The following POLR3B variants were observed in gnomAD, a reference collection of about 807,000 sequenced individuals.
POLR3B encodes RNA polymerase III subunit B, also known as DNA-directed RNA polymerase III subunit RPC2.
In POLR3B, 96 loss-of-function variants were observed where a neutral mutation model predicts 147.4. That is an observed-to-expected ratio of 0.65 (90% confidence interval 0.55 to 0.77). The LOEUF is 0.77. Among genes scored for constraint, POLR3B ranks in the 30% least tolerant of loss-of-function variants. The probability of loss-of-function intolerance (pLI) is 0.00; values close to 1 mark genes in which losing one functional copy is unlikely to be tolerated. For synonymous variants in POLR3B, 461 were observed against 485.9 expected (o/e 0.95, Z 0.67); for missense variants, 1,036 against 1,413.5 (o/e 0.73, Z 4.28).
intron 12 of POLR3B, among the ~76,000 whole-genome samples, chr12:106,414,050 G>T (rs761053484): frequency 2.3e-4 from 34 of 150,440 alleles, no homozygotes; most frequent in Non-Finnish European, 4.3e-4. Flanking sequence ...GATTTACATA[G>T]CTTTTTTTAA....
chr12:106,364,582 C>T (rs1188418083), intron 2 of POLR3B, among the ~76,000 whole-genome samples: 1 of 152,194 alleles, frequency 6.6e-6, no homozygotes, highest in Non-Finnish European at 1.5e-5. Context: ...CCACATCCTC[C>T]AGCAATTCCA....
intron 21 of POLR3B, among the ~76,000 whole-genome samples, chr12:106,458,746 C>T (rs185946475): frequency 1.3e-4 from 20 of 152,212 alleles, no homozygotes; most frequent in Non-Finnish European, 2.8e-4. Context: ...TTGGAAAATA[C>T]GCGCTGTGAC....
intron 18 of POLR3B, among the ~76,000 whole-genome samples, chr12:106,442,662 G>A (rs1049111402): frequency 6.6e-6 from 1 of 152,038 alleles, no homozygotes; most frequent in Non-Finnish European, 1.5e-5. Context: ...TGGATAAGTG[G>A]GAGATCTTTT....
intron 23 of POLR3B, among the ~76,000 whole-genome samples, chr12:106,494,553 C>T (rs552896962): frequency 3.3e-5 from 5 of 152,220 alleles, no homozygotes; most frequent in Admixed American, 1.3e-4. Flanking sequence ...ATGTTGTTGT[C>T]GGTGCACCTA....
At chr12:106,397,769 G>GT (rs2037000329) in intron 10 of POLR3B, among the ~76,000 whole-genome samples, 1 of 152,154 alleles carries the variant, frequency 6.6e-6, no homozygotes, top group Non-Finnish European at 1.5e-5. Context: ...TCAGTCTTTA[G>GT]TAATTATAAA....
At chr12:106,419,110 G>C (rs1356461096) in intron 12 of POLR3B, among the ~76,000 whole-genome samples, 2 of 152,166 alleles carry the variant, frequency 1.3e-5, no homozygotes, top group Non-Finnish European at 2.9e-5. Context: ...CCTTTTGCCA[G>C]TTTCCACAGG....
At chr12:106,507,944 T>C (rs2038715380) in intron 27 of POLR3B, 1 of 362,046 alleles carries the variant, frequency 2.8e-6, no homozygotes, top group Non-Finnish European at 5.4e-6. Context: ...TATTAACATT[T>C]TGGTGACTCT....
At chr12:106,415,071 T>A (rs1462547020) in intron 12 of POLR3B, among the ~76,000 whole-genome samples, 2 of 152,190 alleles carry the variant, frequency 1.3e-5, no homozygotes, top group Non-Finnish European at 2.9e-5. Flanking sequence ...CCTGTGCCAC[T>A]TCCTAAATAT....
intron 13 of POLR3B, among the ~76,000 whole-genome samples, chr12:106,429,106 G>A (rs2037474718): frequency 6.6e-6 from 1 of 152,168 alleles, no homozygotes; most frequent in Non-Finnish European, 1.5e-5. Flanking sequence ...GAAGAACCAT[G>A]GCAGGTGCAG....
At chr12:106,507,052 C>T (rs1291843856) in intron 27 of POLR3B, among the ~76,000 whole-genome samples, 1 of 151,944 alleles carries the variant, frequency 6.6e-6, no homozygotes, top group African/African-American at 2.4e-5. Flanking sequence ...GTTTACAGCA[C>T]GACTGTTGTT....
chr12:106,362,708 A>G (rs941370014), intron 1 of POLR3B, among the ~76,000 whole-genome samples: 1 of 152,132 alleles, frequency 6.6e-6, no homozygotes, highest in African/African-American at 2.4e-5. Context: ...TCAAGACCCC[A>G]TCTTCAAAAA....
chr12:106,478,300 C>T (rs2038211812), intron 23 of POLR3B, among the ~76,000 whole-genome samples: 1 of 152,128 alleles, frequency 6.6e-6, no homozygotes, highest in African/African-American at 2.4e-5. Flanking sequence ...GGTCTTTGTG[C>T]TATAGCATTT....
In POLR3B at chr12:106,437,771, A is replaced by G. The variant is rs774024453; in HGVS notation, c.1947A>G (p.Thr649=). The change falls in exon 18 of 28, where the codon ACA becomes ACG. Residue 649 remains threonine, a synonymous_variant. Coordinates refer to ENST00000228347, the MANE Select transcript of POLR3B (RefSeq NM_018082.6). ...GTAACATTGCACTGTACGAACACAC[A>G]ATTAATAAGTAAGTAGGATCCATAG... The part of the protein sequence containing the change: ...NDCNIALYEH[T]INKDTTHLEI... 2.6e-6 allele frequency: 4 copies of G among 1,556,634 alleles called. No homozygotes were observed.
chr12:106,382,950 A>G (rs1029166800), intron 9 of POLR3B, among the ~76,000 whole-genome samples: 5 of 152,206 alleles, frequency 3.3e-5, no homozygotes, highest in Admixed American at 3.3e-4. Context: ...ATCTACATTG[A>G]AAATCGGTTG....
chr12:106,422,336 G>A (rs2037383806), intron 12 of POLR3B, among the ~76,000 whole-genome samples: 1 of 152,106 alleles, frequency 6.6e-6, no homozygotes, highest in Non-Finnish European at 1.5e-5. Context: ...TTTGCCTTCT[G>A]CCATAATTGT....
chr12:106,443,389 T>C (rs1200322575), intron 18 of POLR3B, among the ~76,000 whole-genome samples: 1 of 152,210 alleles, frequency 6.6e-6, no homozygotes, highest in Non-Finnish European at 1.5e-5. Context: ...GTTTTAAAAT[T>C]TAAAGTAATT....
intron 19 of POLR3B, among the ~76,000 whole-genome samples, chr12:106,452,408 C>T (rs1239628669): frequency 6.6e-6 from 1 of 152,076 alleles, no homozygotes; most frequent in African/African-American, 2.4e-5. Context: ...ATGTTCTGGG[C>T]CTGGTAGCAC....
chr12:106,507,603 A>T, intron 27 of POLR3B: 1 of 275,890 alleles, frequency 3.6e-6, no homozygotes, highest in South Asian at 3.5e-5. Flanking sequence ...GTCTTTAGAT[A>T]ATCTTTTAAG....
chr12:106,482,637 A>G (rs555896276), intron 23 of POLR3B, among the ~76,000 whole-genome samples: 65 of 152,240 alleles, frequency 4.3e-4, no homozygotes, highest in Non-Finnish European at 6.9e-4. Context: ...TTCCTCCAAC[A>G]CTGGGGATTT....
Sources: allele counts gnomAD v4.1 joint callset (sites outside exome capture counted in the v4.1 genomes callset), GRCh38; gene constraint gnomAD v4.1.1; transcripts MANE v1.5; gene names NCBI Gene and HGNC (gene_info 2026-07-23, HGNC 2026-07-21).